The following LOXL2 variants were observed in gnomAD, a reference collection of about 807,000 sequenced individuals.
LOXL2 encodes lysyl oxidase like 2, also known as lysyl oxidase homolog 2.
LOXL2 carries 70 observed loss-of-function variants against 93.0 expected under a neutral mutation model. That is an observed-to-expected ratio of 0.75 (90% CI 0.62 to 0.92). The LOEUF is 0.92. Ranked by LOEUF, LOXL2 falls within the 40% of genes least tolerant of loss-of-function variation. LOXL2 has a pLI of 0.00. For synonymous variants in LOXL2, 438 were observed against 413.2 expected (o/e 1.06, Z -0.73); for missense variants, 973 against 1,054.9 (o/e 0.92, Z 1.08).
chr8:23,343,944 A>G (rs778689648), intron 3 of LOXL2, among the ~76,000 whole-genome samples: 5 of 152,246 alleles, frequency 3.3e-5, no homozygotes, highest in Admixed American at 6.5e-5. Context: ...ACTGCCTAGC[A>G]TCAAGACTGC....
chr8:23,309,418 G>A (rs1327736564), intron 10 of LOXL2, among the ~76,000 whole-genome samples: 3 of 152,232 alleles, frequency 2.0e-5, no homozygotes, highest in Non-Finnish European at 4.4e-5. Flanking sequence ...AAAACAAAGT[G>A]TGTTTCCTGA....
At chr8:23,343,856 G>T (rs1182203678) in intron 3 of LOXL2, among the ~76,000 whole-genome samples, 1 of 152,090 alleles carries the variant, frequency 6.6e-6, no homozygotes, top group Non-Finnish European at 1.5e-5. Flanking sequence ...CCACAAGCCG[G>T]CCCTCTTCTG....
chr8:23,307,874 C>T (rs1262224016), intron 10 of LOXL2, among the ~76,000 whole-genome samples: 2 of 135,332 alleles, frequency 1.5e-5, no homozygotes, highest in African/African-American at 5.5e-5. Flanking sequence ...TGAATTCTAC[C>T]ATAGTCCTTT....
chr8:23,307,980 GAT>G (rs1803257342), intron 10 of LOXL2, among the ~76,000 whole-genome samples: 1 of 21,148 alleles, frequency 4.7e-5, no homozygotes. Flanking sequence ...AAAAGCCAAA[GAT>G]AGATTTCTGA....
chr8:23,333,456 C>T lies in LOXL2; in HGVS notation c.911G>A (p.Gly304Glu). The change falls in exon 5 of 14, where the codon GGG (glycine) becomes GAG (glutamate). Residue 304 changes from glycine (G) to glutamate (E), a missense_variant. By Grantham distance (98) the Gly-to-Glu change is moderately conservative. Transcript: ENST00000389131. ...GLPAVVSCVP[G>E]QVFSPDGPSR... ...GGGTCCGTCAGGGCTGAAGACCTGC[C>T]CAGGCACACAACTCACCACGGCCGG... 6.2e-7 allele frequency: 1 copy of T among 1,613,946 alleles called. No individual in the cohort carries two copies. The highest frequency in any genetic ancestry group is 8.5e-7 in the Non-Finnish European group (1 of 1,180,036).
In LOXL2 at chr8:23,341,171, A is replaced by C; in HGVS notation, c.564T>G (p.Ile188Met). The C allele has an allele frequency of 6.2e-7, 1 of 1,613,564 alleles. No homozygotes were observed. Among genetic ancestry groups the C allele is most frequent in the Non-Finnish European group, 8.5e-7 (1 of 1,180,024 alleles). Reference protein sequence around the residue: ...NLNIQVEDIRIRAILSTYRKR... With the variant: ...NLNIQVEDIRMRAILSTYRKR... ...TGCGGTAGGTTGAGAGGATGGCTCG[A>C]ATCCGAATGTCCTCCACCTGGATAT... The change falls in exon 4 of 14, where the codon ATT becomes ATG. Residue 188 changes from isoleucine to methionine, a missense_variant. Physicochemically the swap from Ile to Met is conservative, Grantham distance 10. Coordinates refer to ENST00000389131, the MANE Select transcript of LOXL2 (RefSeq NM_002318.3).
In LOXL2 at chr8:23,309,919, G is replaced by A. The variant is rs760788203; in HGVS notation, c.1637-8C>T. On this transcript the variant is annotated splice_region_variant and splice_polypyrimidine_tract_variant and intron_variant, in intron 9 of 13. Transcript: ENST00000389131. ...GGACCAGGTCAGGGGCGGCTGCGGA[G>A]GATGGCATGCTGGTCAACAAGGCAA... 1.4e-6 allele frequency: 2 copies of A among 1,461,964 alleles called. No individual in the cohort carries two copies. The highest frequency in any genetic ancestry group is 2.3e-5 in the Admixed American group (1 of 43,256). 90.6% of individuals were successfully genotyped at this position (1,461,964 alleles called of 1,614,324 possible). A position where few individuals can be genotyped will look rare whatever the true frequency, so the allele number is the denominator to read the frequency against.
chr8:23,318,706 C>T (rs1003666429), intron 8 of LOXL2, among the ~76,000 whole-genome samples: 1 of 152,296 alleles, frequency 6.6e-6, no homozygotes, highest in Non-Finnish European at 1.5e-5. Flanking sequence ...AATGTGGCAC[C>T]GTTTTTCCAC....
At chr8:23,374,797 G>T (rs534286932) in intron 1 of LOXL2, among the ~76,000 whole-genome samples, 59 of 152,296 alleles carry the variant, frequency 3.9e-4, no homozygotes, top group Middle Eastern at 3.4e-3. Context: ...TGATGGGATT[G>T]TTTTTATTTT....
At chr8:23,328,067 A>C (rs17088178) in intron 6 of LOXL2, among the ~76,000 whole-genome samples, 3 of 151,858 alleles carry the variant, frequency 2.0e-5, no homozygotes, top group Admixed American at 1.3e-4. Context: ...TTTTGGTAAG[A>C]CAGCAGAGAG....
Position 23,341,184 on chromosome 8 carries a change from T to TC in LOXL2, c.550dup (p.Glu184GlyfsTer36). ...GAGGATGGCTCGAATCCGAATGTCCTCCACCTGGATATTCAGGTTCTGGGA... is the reference window on the plus strand; with the variant it reads ...GAGGATGGCTCGAATCCGAATGTCCTCCCACCTGGATATTCAGGTTCTGGGA... On this transcript the variant is annotated frameshift_variant, in exon 4 of 14. Transcript: ENST00000389131. LOFTEE classifies it high-confidence loss of function. 1 of 1,613,106 alleles carries TC rather than the reference T, an allele frequency of 6.2e-7. No individual in the cohort carries two copies. Among genetic ancestry groups the TC allele is most frequent in the Non-Finnish European group, 8.5e-7 (1 of 1,179,776 alleles).
chr8:23,328,733 G>GTGTGTC, intron 5 of LOXL2, 168 bp from the exon 6 acceptor site: 1 of 632,148 alleles, frequency 1.6e-6, no homozygotes, highest in Non-Finnish European at 2.8e-6. Context: ...GTGTGTGTGT[G>GTGTGTC]TGTGTGTGTG....
At chr8:23,397,366 G>A (rs773504323) in intron 1 of LOXL2, among the ~76,000 whole-genome samples, 13 of 152,078 alleles carry the variant, frequency 8.5e-5, no homozygotes, top group African/African-American at 2.9e-4. Context: ...TTTATGTTAC[G>A]TATATTTTAC....
At chr8:23,363,314 C>G (rs2117208178) in intron 2 of LOXL2, 1 of 152,352 alleles carries the variant, frequency 6.6e-6, no homozygotes, top group African/African-American at 2.4e-5. Flanking sequence ...GGCTGCTGGT[C>G]AGGGCTCAAA....
intron 9 of LOXL2, among the ~76,000 whole-genome samples, chr8:23,314,740 A>G (rs1803366992): frequency 6.6e-6 from 1 of 151,798 alleles, no homozygotes; most frequent in African/African-American, 2.4e-5. Context: ...ACATGTATAC[A>G]TATGTAAATA....
At chr8:23,396,997 A>G (rs1352437429) in intron 1 of LOXL2, among the ~76,000 whole-genome samples, 2 of 152,260 alleles carry the variant, frequency 1.3e-5, no homozygotes, top group African/African-American at 4.8e-5. Flanking sequence ...AATGTGGTCT[A>G]TCCATACAGT....
Position 23,374,275 on chromosome 8 carries a change from G to C in LOXL2, c.-83-5841C>G, listed in dbSNP as rs1389542011. ...TCATCCATGTCCCTAAAAAGGACAT[G>C]AACTCATCCTTTTTTATGGCTGCAT... On this transcript the variant is annotated intron_variant, in intron 1 of 13. Transcript: ENST00000389131. Among the ~76,000 whole-genome samples the C allele has an allele frequency of 3.3e-5, 5 of 152,220 alleles. No individual in the cohort carries two copies. In the South Asian group the frequency reaches 1.0e-3, roughly 32 times the overall value.
In LOXL2 at chr8:23,341,174, C is replaced by T. The variant is rs1243981354; in HGVS notation, c.561G>A (p.Arg187=). 1 of 1,613,416 alleles carries T rather than the reference C, an allele frequency of 6.2e-7. No homozygotes were observed. The highest frequency in any genetic ancestry group is 1.3e-5 in the African/African-American group (1 of 74,904). ...ENLNIQVEDI[R]IRAILSTYRK... ...GGTAGGTTGAGAGGATGGCTCGAAT[C>T]CGAATGTCCTCCACCTGGATATTCA... is the stretch of plus-strand genomic sequence containing the variant. Residue 187 remains arginine (R), a synonymous_variant, in exon 4 of 14, where the codon CGG becomes CGA. Coordinates refer to ENST00000389131, the MANE Select transcript of LOXL2 (RefSeq NM_002318.3).
intron 1 of LOXL2, among the ~76,000 whole-genome samples, chr8:23,380,986 CAG>C (rs1163007010): frequency 6.6e-6 from 1 of 152,146 alleles, no homozygotes; most frequent in South Asian, 2.1e-4. Flanking sequence ...GTACTCCAAA[CAG>C]AGAGAGACTC....
Sources: allele counts gnomAD v4.1 joint callset (sites outside exome capture counted in the v4.1 genomes callset), GRCh38; gene constraint gnomAD v4.1.1; transcripts MANE v1.5; gene names NCBI Gene and HGNC (gene_info 2026-07-23, HGNC 2026-07-21).